Variants in ZNF385D observed in about 807,000 individuals in gnomAD.
The protein encoded by ZNF385D is zinc finger protein 659.
In ZNF385D, 15 loss-of-function variants were observed where a neutral mutation model predicts 35.8. The observed-to-expected ratio is 0.42, with a 90% CI of 0.28 to 0.64. The LOEUF is 0.64. Ranked by LOEUF, ZNF385D falls within the 30% of genes least tolerant of loss-of-function variation. The pLI, the probability that ZNF385D is intolerant of heterozygous loss-of-function variation, is 0.23. For synonymous variants in ZNF385D, 212 were observed against 186.8 expected (o/e 1.13, Z -1.10); for missense variants, 474 against 494.6 (o/e 0.96, Z 0.39).
At position 22,119,780 on chromosome 3, in the gene ZNF385D, G is replaced by C. The variant is rs1186270376; in HGVS notation, c.325+49037C>G. Among the ~76,000 whole-genome samples the C allele has an allele frequency of 2.6e-5, 4 of 152,128 alleles. No homozygotes were observed. The East Asian group carries it at 7.7e-4, about 29-fold the overall frequency. ...ATTTCTCTGCTGAACTGTTTTAGGA[G>C]ATATCTGATGAGCTTTTACTAGTGA... On this transcript the variant is annotated intron_variant, in intron 3 of 5. Coordinates refer to the ZNF385D transcript ENST00000494108.
At chr3:21,873,531 C>G (rs1697803129) in intron 3 of ZNF385D, among the ~76,000 whole-genome samples, 1 of 152,150 alleles carries the variant, frequency 6.6e-6, no homozygotes, top group African/African-American at 2.4e-5. Flanking sequence ...TTTAGGTGTA[C>G]AGTATGGTAT....
At chr3:21,615,987 T>G (rs2064836153) in intron 2 of ZNF385D, among the ~76,000 whole-genome samples, 1 of 151,898 alleles carries the variant, frequency 6.6e-6, no homozygotes, top group Admixed American at 6.6e-5. Context: ...AATAGAAAAA[T>G]TAAGAAATAG....
intron 2 of ZNF385D, among the ~76,000 whole-genome samples, chr3:21,622,554 A>G (rs1484688489): frequency 1.3e-5 from 2 of 152,156 alleles, no homozygotes; most frequent in Admixed American, 6.6e-5. Context: ...ATAATCATAC[A>G]TGACCTTTCT....
intron 4 of ZNF385D, chr3:21,443,318 CCTG>C: frequency 1.0e-6 from 1 of 985,318 alleles, no homozygotes. Context: ...AAGGACAATT[CCTG>C]GGGAACAAAG....
chr3:21,515,628 T>C (rs76023949), intron 3 of ZNF385D, among the ~76,000 whole-genome samples: 6,628 of 152,314 alleles, frequency 0.044, 485 homozygotes, highest in African/African-American at 0.15. Flanking sequence ...ATCTTGCTTA[T>C]AACCTCATAG....
intron 3 of ZNF385D, among the ~76,000 whole-genome samples, chr3:21,932,194 A>C (rs955628534): frequency 3.6e-5 from 5 of 140,808 alleles, no homozygotes; most frequent in African/African-American, 1.3e-4. Flanking sequence ...AAAAAAAAAA[A>C]GTGTGACTTG....
intron 2 of ZNF385D, among the ~76,000 whole-genome samples, chr3:22,272,349 T>G (rs1701220571): frequency 6.6e-6 from 1 of 151,974 alleles, no homozygotes; most frequent in South Asian, 2.1e-4. Flanking sequence ...ATATCTAAAT[T>G]TCTAAATTCT....
At chr3:22,327,932 C>T (rs1230240256) in intron 2 of ZNF385D, among the ~76,000 whole-genome samples, 3 of 152,180 alleles carry the variant, frequency 2.0e-5, no homozygotes, top group African/African-American at 7.2e-5. Flanking sequence ...AATATGAAAA[C>T]ATCTATCATC....
chr3:21,905,216 A>AC (rs1553696218), intron 3 of ZNF385D, among the ~76,000 whole-genome samples: 1 of 149,452 alleles, frequency 6.7e-6, no homozygotes, highest in African/African-American at 2.4e-5. Flanking sequence ...AAAAAAAAAA[A>AC]AAAAAAAAAA....
chr3:22,236,446 C>T (rs1008414730), intron 2 of ZNF385D, among the ~76,000 whole-genome samples: 2 of 152,154 alleles, frequency 1.3e-5, no homozygotes, highest in African/African-American at 4.8e-5. Flanking sequence ...ATCCTCCCAT[C>T]TAAGCCTCCC....
chr3:21,468,523 C>A (rs1703673238), intron 4 of ZNF385D, among the ~76,000 whole-genome samples: 1 of 151,204 alleles, frequency 6.6e-6, no homozygotes, highest in Non-Finnish European at 1.5e-5. Context: ...GTGGTATATT[C>A]ATAAAAGGGA....
In ZNF385D at chr3:21,420,380, G is replaced by C. The variant is rs1700683544; in HGVS notation, c.*834C>G. 1 of 152,152 alleles carries C rather than the reference G, an allele frequency of 6.6e-6. No individual in the cohort carries two copies. Among genetic ancestry groups the C allele is most frequent in the Non-Finnish European group, 1.5e-5 (1 of 68,016 alleles). The allele number at this position is 152,152 out of a possible 1,614,324, so 9.4% of individuals were successfully genotyped here. The stretch of plus-strand genomic sequence containing the variant: ...TGATGCATGGGTTTCTCTGCTTTCA[G>C]ATATAGGTTCATTATAAACACTTCC... On this transcript the variant is annotated 3_prime_UTR_variant, in exon 8 of 8. Transcript: ENST00000281523.
intron 3 of ZNF385D, among the ~76,000 whole-genome samples, chr3:22,102,469 C>G (rs373523160): frequency 6.6e-6 from 1 of 151,912 alleles, no homozygotes; most frequent in African/African-American, 2.4e-5. Flanking sequence ...CCCTCCTTCC[C>G]GCAGTACTGA....
intron 3 of ZNF385D, among the ~76,000 whole-genome samples, chr3:21,862,293 C>CTT (rs5847143): frequency 5.2e-4 from 74 of 142,880 alleles, no homozygotes; most frequent in Non-Finnish European, 7.2e-4. Context: ...GATATCTCTA[C>CTT]TTTTTTTTTT....
At chr3:21,981,474 C>G (rs1206043716) in intron 3 of ZNF385D, among the ~76,000 whole-genome samples, 1 of 152,132 alleles carries the variant, frequency 6.6e-6, no homozygotes, top group East Asian at 1.9e-4. Context: ...ACACCTTTGT[C>G]AGATGCATAG....
At chr3:21,580,919 A>G (rs547045701) in intron 2 of ZNF385D, among the ~76,000 whole-genome samples, 22 of 151,964 alleles carry the variant, frequency 1.4e-4, no homozygotes, top group Admixed American at 3.3e-4. Context: ...GCATTCCTCA[A>G]TTTCTTTTGT....
chr3:21,733,899 A>G (rs1283750341), intron 1 of ZNF385D, among the ~76,000 whole-genome samples: 1 of 152,144 alleles, frequency 6.6e-6, no homozygotes, highest in African/African-American at 2.4e-5. Context: ...CCCATATATA[A>G]AAGTATTGAG....
At chr3:21,794,112 G>T (rs908082062) in intron 3 of ZNF385D, among the ~76,000 whole-genome samples, 1 of 152,126 alleles carries the variant, frequency 6.6e-6, no homozygotes, top group African/African-American at 2.4e-5. Flanking sequence ...AAAAACAAAT[G>T]AGAGCCTTAT....
At chr3:21,603,362 C>G (rs1048212174) in intron 2 of ZNF385D, among the ~76,000 whole-genome samples, 1 of 148,104 alleles carries the variant, frequency 6.8e-6, no homozygotes, top group African/African-American at 2.6e-5. Context: ...AAAAGTGTGT[C>G]CCTTCAGACC....
Sources: gnomAD v4.1 joint callset for allele counts (sites outside exome capture counted in the v4.1 genomes callset) on GRCh38, gnomAD v4.1.1 for gene constraint, MANE v1.5 for transcripts, NCBI Gene and HGNC (gene_info 2026-07-23, HGNC 2026-07-21) for gene names.